The following RNF13 variants were observed in gnomAD, a reference collection of about 807,000 sequenced individuals.
RNF13 encodes the protein ring finger protein 13.
In RNF13, 19 loss-of-function variants were observed where a neutral mutation model predicts 37.7. That is an observed-to-expected ratio of 0.50 (90% confidence interval 0.35 to 0.74). RNF13 has a LOEUF of 0.74. Among genes scored for constraint, RNF13 ranks in the 30% least tolerant of loss-of-function variants. The probability of loss-of-function intolerance (pLI) is 0.01; values close to 1 mark genes in which losing one functional copy is unlikely to be tolerated. For synonymous variants in RNF13, 144 were observed against 157.8 expected, an observed-to-expected ratio of 0.91 and a Z score of 0.65; for missense variants, 375 against 453.0, an observed-to-expected ratio of 0.83 and a Z score of 1.56.
At chr3:149,913,668 C>T (rs1309774959) in intron 7 of RNF13, among the ~76,000 whole-genome samples, 2 of 152,104 alleles carry the variant, frequency 1.3e-5, no homozygotes, top group African/African-American at 4.8e-5. Context: ...GAGTACTAGC[C>T]AGGTATCCTG....
chr3:149,952,757 G>A (rs1004015094), intron 8 of RNF13, among the ~76,000 whole-genome samples: 4 of 151,970 alleles, frequency 2.6e-5, no homozygotes, highest in Non-Finnish European at 5.9e-5. Flanking sequence ...GCGTTACAAC[G>A]CCCAGCTAAT....
intron 8 of RNF13, among the ~76,000 whole-genome samples, chr3:149,941,365 T>G (rs1720246689): frequency 6.6e-6 from 1 of 152,114 alleles, no homozygotes; most frequent in African/African-American, 2.4e-5. Flanking sequence ...ATTCTGCTCT[T>G]TTGTTAGTGG....
chr3:149,954,800 T>C (rs77346210), intron 8 of RNF13, among the ~76,000 whole-genome samples: 2,406 of 152,312 alleles, frequency 0.016, 19 homozygotes, highest in Non-Finnish European at 0.024. Context: ...GTTTTCTTGC[T>C]TCTGAAGCAG....
intron 1 of RNF13, among the ~76,000 whole-genome samples, chr3:149,817,505 G>A (rs1576703572): frequency 1.3e-5 from 2 of 152,294 alleles, no homozygotes; most frequent in South Asian, 4.1e-4. Flanking sequence ...AACATCTCCA[G>A]ATTTGTTATT....
chr3:149,850,146 A>G (rs940980601), intron 2 of RNF13, among the ~76,000 whole-genome samples: 1 of 152,016 alleles, frequency 6.6e-6, no homozygotes, highest in South Asian at 2.1e-4. Flanking sequence ...GGCCTGGCTA[A>G]TTTTTGTATT....
intron 1 of RNF13, among the ~76,000 whole-genome samples, chr3:149,825,395 C>G (rs948722251): frequency 6.6e-6 from 1 of 152,168 alleles, no homozygotes; most frequent in Non-Finnish European, 1.5e-5. Context: ...AACTCCTGAC[C>G]TCAGGTGATC....
intron 1 of RNF13, among the ~76,000 whole-genome samples, chr3:149,828,540 T>A (rs1720719327): frequency 6.6e-6 from 1 of 152,256 alleles, no homozygotes; most frequent in African/African-American, 2.4e-5. Flanking sequence ...GAAAGCAATT[T>A]CATTGTCAAT....
chr3:149,938,662 T>C (rs938764832), intron 8 of RNF13, among the ~76,000 whole-genome samples: 2 of 152,154 alleles, frequency 1.3e-5, no homozygotes, highest in African/African-American at 4.8e-5. Flanking sequence ...TCTATGTGTC[T>C]TAATTTTTTT....
intron 1 of RNF13, among the ~76,000 whole-genome samples, chr3:149,837,596 G>A (rs564803924): frequency 1.3e-5 from 2 of 152,224 alleles, no homozygotes; most frequent in East Asian, 3.9e-4. Context: ...CTTGTGCAGG[G>A]CAACTCTCCT....
chr3:149,902,203 T>G (rs368430653), intron 6 of RNF13, 41 bp downstream of exon 6: 1 of 934,906 alleles, frequency 1.1e-6, no homozygotes, highest in Non-Finnish European at 1.6e-6. Flanking sequence ...TTAAAATTCT[T>G]CTTTATATTA....
At chr3:149,892,811 A>G (rs897825919) in intron 4 of RNF13, among the ~76,000 whole-genome samples, 1 of 152,184 alleles carries the variant, frequency 6.6e-6, no homozygotes, top group African/African-American at 2.4e-5. Context: ...CCTGGTACCA[A>G]AAAGGTTGGG....
At chr3:149,856,123 A>G (rs1189131050) in intron 3 of RNF13, among the ~76,000 whole-genome samples, 1 of 152,174 alleles carries the variant, frequency 6.6e-6, no homozygotes, top group East Asian at 1.9e-4. Context: ...CCTGACCAAA[A>G]AAAAAAAAAC....
At chr3:149,921,759 CAT>C (rs994998786) in intron 8 of RNF13, among the ~76,000 whole-genome samples, 14 of 152,112 alleles carry the variant, frequency 9.2e-5, no homozygotes, top group Non-Finnish European at 1.5e-4. Context: ...CCACAATACA[CAT>C]GTGTGCATGT....
At chr3:149,834,248 G>A (rs1721360481) in intron 1 of RNF13, among the ~76,000 whole-genome samples, 1 of 152,130 alleles carries the variant, frequency 6.6e-6, no homozygotes, top group Non-Finnish European at 1.5e-5. Flanking sequence ...TGCAGAAATA[G>A]GAAAATCTAT....
chr3:149,958,643 T>G (rs1034428589), intron 8 of RNF13, among the ~76,000 whole-genome samples: 4 of 152,230 alleles, frequency 2.6e-5, no homozygotes, highest in African/African-American at 9.6e-5. Context: ...AAGGTTGATT[T>G]GTATGAGAAA....
At chr3:149,855,363 T>G (rs569681637) in intron 3 of RNF13, among the ~76,000 whole-genome samples, 196 of 151,584 alleles carry the variant, frequency 1.3e-3, no homozygotes, top group African/African-American at 4.6e-3. Context: ...TTGATTCCCC[T>G]ACTTCTTCTG....
At chr3:149,898,180 C>A (rs558091959) in intron 5 of RNF13, among the ~76,000 whole-genome samples, 3 of 152,140 alleles carry the variant, frequency 2.0e-5, no homozygotes, top group Non-Finnish European at 4.4e-5. Context: ...TATGAGAAAA[C>A]CCATGCAATG....
intron 8 of RNF13, among the ~76,000 whole-genome samples, chr3:149,946,486 A>G (rs1029882587): frequency 1.3e-5 from 2 of 152,086 alleles, no homozygotes; most frequent in African/African-American, 4.8e-5. Context: ...TACTATTTCA[A>G]TTCTTTACTA....
At chr3:149,842,454 C>T (rs574853540) in intron 1 of RNF13, among the ~76,000 whole-genome samples, 2 of 152,214 alleles carry the variant, frequency 1.3e-5, no homozygotes, top group Non-Finnish European at 2.9e-5. Flanking sequence ...CTTATAGGTC[C>T]TATGGTCCTT....
Sources: gnomAD v4.1 joint callset for allele counts (sites outside exome capture counted in the v4.1 genomes callset) on GRCh38, gnomAD v4.1.1 for gene constraint, MANE v1.5 for transcripts, NCBI Gene and HGNC (gene_info 2026-07-23, HGNC 2026-07-21) for gene names.